The following ANKFN1 variants were observed in gnomAD, a reference collection of about 807,000 sequenced individuals.
The protein encoded by ANKFN1 is ankyrin repeat and fibronectin type III domain containing 1.
ANKFN1 carries 74 observed loss-of-function variants against 108.7 expected under a neutral mutation model. The observed-to-expected ratio is 0.68, with a 90% CI of 0.56 to 0.83. The LOEUF is 0.83. Ranked by LOEUF, ANKFN1 falls within the 40% of genes least tolerant of loss-of-function variation. The probability of loss-of-function intolerance (pLI) is 0.00; values close to 1 mark genes in which losing one functional copy is unlikely to be tolerated. For synonymous variants in ANKFN1, 547 were observed against 516.2 expected, an observed-to-expected ratio of 1.06 and a Z score of -0.81; for missense variants, 1,505 against 1,382.3, an observed-to-expected ratio of 1.09 and a Z score of -1.41.
rs910287609 is a variant in ANKFN1, at chr17:56,153,519, T to A, written c.-82T>A. On this transcript the variant is annotated 5_prime_UTR_variant, in exon 1 of 21. Transcript: ENST00000682825. ...CAGTCCTGTGTCTCTCATGGAGGCGTCTCTAACCAGGGTAGGAAAACAATA... is the reference window on the plus strand; with the variant it reads ...CAGTCCTGTGTCTCTCATGGAGGCGACTCTAACCAGGGTAGGAAAACAATA... The A allele has an allele frequency of 7.4e-6, 12 of 1,613,964 alleles. No individual in the cohort carries two copies. Among genetic ancestry groups the A allele is most frequent in the Non-Finnish European group, 1.0e-5 (12 of 1,179,942 alleles).
intron 3 of ANKFN1, among the ~76,000 whole-genome samples, chr17:56,257,678 G>A (rs2043392770): frequency 6.6e-6 from 1 of 152,152 alleles, no homozygotes. Context: ...CTTCATCCAG[G>A]TGTTTAGCAC....
At chr17:56,085,048 A>C (rs1010281658) in intron 4 of ANKFN1, among the ~76,000 whole-genome samples, 37 of 150,920 alleles carry the variant, frequency 2.5e-4, no homozygotes, top group African/African-American at 9.0e-4. Flanking sequence ...AATTGGTAAA[A>C]TTAAAGTGCT....
At chr17:56,382,968 A>G (rs2047150570) in intron 8 of ANKFN1, among the ~76,000 whole-genome samples, 1 of 152,186 alleles carries the variant, frequency 6.6e-6, no homozygotes, top group Admixed American at 6.5e-5. Flanking sequence ...TCAGCTCTGC[A>G]CCAAGCAGAC....
intron 3 of ANKFN1, among the ~76,000 whole-genome samples, chr17:56,284,175 A>G (rs189729457): frequency 7.6e-4 from 116 of 152,288 alleles, no homozygotes; most frequent in African/African-American, 2.7e-3. Context: ...GAAGAGATTG[A>G]TTTTCCTTAA....
At chr17:56,090,485 G>A (rs954974856) in intron 4 of ANKFN1, among the ~76,000 whole-genome samples, 1 of 151,166 alleles carries the variant, frequency 6.6e-6, no homozygotes, top group Admixed American at 6.6e-5. Flanking sequence ...GTGTAGAATT[G>A]TCTCTGTGCT....
chr17:56,182,989 T>C (rs1393515848), intron 1 of ANKFN1, among the ~76,000 whole-genome samples: 1 of 152,222 alleles, frequency 6.6e-6, no homozygotes, highest in Admixed American at 6.5e-5. Context: ...TACGGTTTAC[T>C]GAATATTTTA....
At chr17:56,115,462 A>G (rs12948009) in intron 4 of ANKFN1, among the ~76,000 whole-genome samples, 2 of 152,180 alleles carry the variant, frequency 1.3e-5, no homozygotes, top group South Asian at 2.1e-4. Flanking sequence ...CTCTCACACA[A>G]TGAAATTATA....
intron 11 of ANKFN1, among the ~76,000 whole-genome samples, chr17:56,453,381 T>C (rs2049561774): frequency 6.6e-6 from 1 of 152,208 alleles, no homozygotes; most frequent in Admixed American, 6.5e-5. Flanking sequence ...TAATCATTTA[T>C]TGTGCATTTG....
At chr17:56,467,842 GAA>G (rs2050178684) in intron 15 of ANKFN1, among the ~76,000 whole-genome samples, 1 of 50,818 alleles carries the variant, frequency 2.0e-5, no homozygotes, top group Non-Finnish European at 4.0e-5. Context: ...AAGAAAGAAA[GAA>G]AGAAAGAAAA....
intron 20 of ANKFN1, among the ~76,000 whole-genome samples, chr17:56,506,445 G>A (rs2051569619): frequency 6.6e-6 from 1 of 152,088 alleles, no homozygotes. Context: ...GCAGTGGCAT[G>A]CTCACAAGAA....
At chr17:56,292,515 G>A (rs561250492) in intron 3 of ANKFN1, among the ~76,000 whole-genome samples, 1 of 152,176 alleles carries the variant, frequency 6.6e-6, no homozygotes, top group Non-Finnish European at 1.5e-5. Context: ...TTGTGTCTGT[G>A]TTGGGTCTCC....
At chr17:56,142,344 T>C (rs1160134876) in intron 4 of ANKFN1, among the ~76,000 whole-genome samples, 1 of 152,198 alleles carries the variant, frequency 6.6e-6, no homozygotes, top group Non-Finnish European at 1.5e-5. Context: ...CAAATCTCCT[T>C]ATTGTTTTGT....
chr17:56,094,045 C>T (rs1211952696), intron 4 of ANKFN1, among the ~76,000 whole-genome samples: 1 of 151,284 alleles, frequency 6.6e-6, no homozygotes, highest in Non-Finnish European at 1.5e-5. Context: ...TGAACTCACA[C>T]AGGGAGTACA....
intron 3 of ANKFN1, among the ~76,000 whole-genome samples, chr17:56,268,067 C>A (rs1257918889): frequency 1.3e-5 from 2 of 152,112 alleles, no homozygotes; most frequent in Non-Finnish European, 2.9e-5. Flanking sequence ...CTATATTCAA[C>A]ATTTCACCAA....
intron 6 of ANKFN1, among the ~76,000 whole-genome samples, chr17:56,355,438 G>T (rs1726308217): frequency 6.6e-6 from 1 of 152,128 alleles, no homozygotes. Flanking sequence ...AACAAAAAAA[G>T]TCAGTGGGTC....
rs148173630 is a variant in ANKFN1, at chr17:56,447,169, G to C, written c.1100-1910G>C. The stretch of plus-strand genomic sequence containing the variant: ...ACCTGGGAGGCAAAGGTTGCAGTGA[G>C]CCAAGATTGTGCCACTGCACCCCAG... On this transcript the variant is annotated intron_variant, in intron 10 of 20. Coordinates refer to ENST00000682825, the MANE Select transcript of ANKFN1 (RefSeq NM_001370326.1). Among the ~76,000 whole-genome samples the C allele has an allele frequency of 1.1e-3, 170 of 152,326 alleles. 4 individuals carry two copies. Among genetic ancestry groups the C allele is most frequent in the East Asian group, 9.8e-3 (51 of 5,188 alleles).
chr17:56,366,794 A>C (rs1209015703), intron 6 of ANKFN1, among the ~76,000 whole-genome samples: 2 of 152,230 alleles, frequency 1.3e-5, no homozygotes, highest in Non-Finnish European at 2.9e-5. Flanking sequence ...ATACTCTGTA[A>C]TATTTGCACA....
chr17:56,500,706 G>A (rs1487803687), intron 20 of ANKFN1, among the ~76,000 whole-genome samples: 1 of 152,070 alleles, frequency 6.6e-6, no homozygotes, highest in Non-Finnish European at 1.5e-5. Context: ...TGTAGTTTAG[G>A]GAATTGCAAG....
At chr17:56,442,756 C>A in intron 9 of ANKFN1, 87 bp from the exon 10 acceptor site, 3 of 1,201,426 alleles carry the variant, frequency 2.5e-6, no homozygotes, top group Middle Eastern at 2.0e-4. Flanking sequence ...GAGTTAATCA[C>A]ACATAGTTAT....
Sources: allele counts gnomAD v4.1 joint callset (sites outside exome capture counted in the v4.1 genomes callset), GRCh38; gene constraint gnomAD v4.1.1; transcripts MANE v1.5; gene names NCBI Gene and HGNC (gene_info 2026-07-23, HGNC 2026-07-21).